The following COL9A3 variants were observed in gnomAD, a reference collection of about 807,000 sequenced individuals.
The protein encoded by COL9A3 is collagen type IX alpha 3 chain.
COL9A3 carries 82 observed loss-of-function variants against 110.2 expected under a neutral mutation model. That is an observed-to-expected ratio of 0.74 (90% confidence interval 0.62 to 0.89). The LOEUF (loss-of-function observed/expected upper bound fraction) is 0.89, where lower values mean the gene tolerates loss of function less well. COL9A3 is among the 40% of genes least tolerant of loss of function. The pLI is 0.00. For missense variants in COL9A3, 1,066 were observed against 981.3 expected (o/e 1.09, Z -1.15); for synonymous variants, 494 against 403.8 (o/e 1.22, Z -2.68).
intron 10 of COL9A3, among the ~76,000 whole-genome samples, chr20:62,824,131 C>T (rs1331986885): frequency 5.0e-5 from 7 of 140,018 alleles, no homozygotes; most frequent in African/African-American, 1.7e-4. Flanking sequence ...CCTGGGGTCC[C>T]GTCTCTGTGT....
In COL9A3 at chr20:62,827,846, C is replaced by T. The variant is rs1346537687; in HGVS notation, c.847-77C>T. The T allele has an allele frequency of 8.0e-6, 12 of 1,506,870 alleles. No individual in the cohort carries two copies. The East Asian group carries it at 1.6e-4, about 20-fold the overall frequency. 93.3% of individuals were successfully genotyped at this position (1,506,870 alleles called of 1,614,324 possible). On this transcript the variant is annotated intron_variant, in intron 16 of 31. Coordinates refer to ENST00000649368, the MANE Select transcript of COL9A3 (RefSeq NM_001853.4). ...GCCCACCATAGCTCCTTGGTGTCCC[C>T]GAGCAGCTGGCCGGAGAATGCGTGA... is the stretch of plus-strand genomic sequence containing the variant.
In COL9A3 at chr20:62,836,500, G is replaced by T; in HGVS notation, c.1571G>T (p.Arg524Leu). The T allele has an allele frequency of 3.7e-6, 6 of 1,613,154 alleles. No homozygotes were observed. The highest frequency in any genetic ancestry group is 5.1e-6 in the Non-Finnish European group (6 of 1,179,618). The change falls in exon 29 of 32, where the codon CGC (arginine) becomes CTC (leucine). Residue 524 changes from arginine to leucine, a missense_variant. Arg to Leu is a moderately radical substitution (Grantham distance 102). Coordinates refer to ENST00000649368, the MANE Select transcript of COL9A3 (RefSeq NM_001853.4). The stretch of plus-strand genomic sequence containing the variant: ...CAGGGGAAGGAGGCCAGCGAGCAGC[G>T]CATCAGGGAGCTGTGTGGGGGGATG... ...GVPGKEASEQ[R>L]IRELCGGMIS...
intron 10 of COL9A3, among the ~76,000 whole-genome samples, 188 bp downstream of exon 10, chr20:62,822,820 C>T (rs1423994317): frequency 6.7e-6 from 1 of 148,474 alleles, no homozygotes; most frequent in Admixed American, 6.7e-5. Context: ...CCTCCCCCTC[C>T]CCCTTCCCAC....
intron 10 of COL9A3, among the ~76,000 whole-genome samples, chr20:62,822,911 A>C (rs753183170): frequency 2.6e-5 from 4 of 152,110 alleles, no homozygotes; most frequent in Non-Finnish European, 5.9e-5. Flanking sequence ...AATGAATCAC[A>C]ATCATGTCAC....
chr20:62,819,280 T>C lies in COL9A3; in HGVS notation c.242T>C (p.Leu81Pro). Residue 81 changes from leucine (L) to proline (P), a missense_variant, in exon 4 of 32, where the codon CTG (leucine) becomes CCG (proline). Transcript: ENST00000649368. Reference sequence around the variant, plus strand: ...CCAGGAGAGGCTGGGCTGCCGGGACTGCCGGGTGTGGATGTGAGTGCGCCT... The same window carrying C: ...CCAGGAGAGGCTGGGCTGCCGGGACCGCCGGGTGTGGATGTGAGTGCGCCT... ...GKPGEAGLPGLPGVDGLTGRD... is the reference protein window; with the variant it reads ...GKPGEAGLPGPPGVDGLTGRD... The C allele has an allele frequency of 6.2e-7, 1 of 1,611,222 alleles. No individual in the cohort carries two copies. Among genetic ancestry groups the C allele is most frequent in the Non-Finnish European group, 8.5e-7 (1 of 1,179,610 alleles).
intron 31 of COL9A3, among the ~76,000 whole-genome samples, 179 bp from the exon 32 acceptor site, chr20:62,840,359 CCCGA>C (rs1036199199): frequency 1.3e-5 from 2 of 151,578 alleles, no homozygotes; most frequent in East Asian, 3.9e-4. Flanking sequence ...CCCGGACACT[CCCGA>C]CCGCCAGCCC....
Position 62,838,683 on chromosome 20 carries a change from G to A in COL9A3, c.1787-1G>A. On this transcript the variant is annotated splice_acceptor_variant, in intron 30 of 31. Transcript: ENST00000649368. LOFTEE classifies it high-confidence loss of function. ...ATGTCTGTGTCCACACCTCGTGACA[G>A]GAAACCAGGGTGACAGAGGAGACAA... is the stretch of plus-strand genomic sequence containing the variant. 1 of 1,552,384 alleles carries A rather than the reference G, an allele frequency of 6.4e-7. No individual in the cohort carries two copies. The highest frequency in any genetic ancestry group is 8.7e-7 in the Non-Finnish European group (1 of 1,147,302).
At chr20:62,819,164 A>C in intron 3 of COL9A3, 58 bp from the exon 4 acceptor site, 5 of 1,527,002 alleles carry the variant, frequency 3.3e-6, no homozygotes, top group Non-Finnish European at 4.5e-6. Context: ...TCATTGCTGA[A>C]GGCCTGGGCT....
At chr20:62,837,411 G>A (rs542485328) in intron 30 of COL9A3, 146 bp downstream of exon 30, 69 of 775,502 alleles carry the variant, frequency 8.9e-5, no homozygotes, top group East Asian at 4.0e-4. Flanking sequence ...GGGGCCTAGC[G>A]CAGTTAACTC....
chr20:62,828,722 G>A (rs774400893), intron 17 of COL9A3, 42 bp from the exon 18 acceptor site: 6 of 1,608,856 alleles, frequency 3.7e-6, no homozygotes, highest in Admixed American at 1.7e-5. Context: ...GGGAGGGAGG[G>A]GGGCCACTGC....
intron 16 of COL9A3, 95 bp from the exon 17 acceptor site, chr20:62,827,828 A>G: frequency 7.3e-7 from 1 of 1,370,648 alleles, no homozygotes; most frequent in Admixed American, 1.7e-5. Context: ...GCTGCCCACC[A>G]TAGCTCCTTG....
rs749537198 is a variant in COL9A3, at chr20:62,824,926, C to A, written c.577-42C>A. On this transcript the variant is annotated intron_variant, in intron 11 of 31. Transcript: ENST00000649368. Reference sequence around the variant, plus strand: ...TTCAGTGTTGCCAGGGAGGGGGTGTCGGGGGGTCTGGGTGGGGCAGTGACC... The same window carrying A: ...TTCAGTGTTGCCAGGGAGGGGGTGTAGGGGGGTCTGGGTGGGGCAGTGACC... 23 of 1,545,440 alleles carry A rather than the reference C, an allele frequency of 1.5e-5. 1 individual carries two copies. In the Admixed American group the frequency reaches 4.0e-4, roughly 27 times the overall value.
chr20:62,831,651 G>T (rs2063598432), intron 24 of COL9A3: 3 of 185,218 alleles, frequency 1.6e-5, no homozygotes, highest in East Asian at 3.0e-4. Flanking sequence ...TGTGGGTGGG[G>T]CCTGGTGGCT....
rs757192189 is a variant in COL9A3, at chr20:62,838,714, C to T, written c.1817C>T (p.Ala606Val). Residue 606 changes from alanine (A) to valine (V), a missense_variant, in exon 31 of 32, where the codon GCG (alanine) becomes GTG (valine). Transcript: ENST00000649368. ...CAGGGTGACAGAGGAGACAAAGGCG[C>T]GGCAGGAGCAGGGCTGGACGGGCCT... ...GNQGDRGDKG[A>V]AGAGLDGPEG... The T allele has an allele frequency of 5.7e-5, 88 of 1,552,708 alleles. No individual in the cohort carries two copies. The highest frequency in any genetic ancestry group is 2.5e-4 in the Admixed American group (13 of 51,112).
chr20:62,824,900 C>A, intron 11 of COL9A3, 68 bp from the exon 12 acceptor site: 2 of 1,506,124 alleles, frequency 1.3e-6, no homozygotes, highest in Non-Finnish European at 1.8e-6. Context: ...GCAGGCCTCA[C>A]TTCAGTGTTG....
intron 27 of COL9A3, 49 bp from the exon 28 acceptor site, chr20:62,836,138 C>T (rs1199262144): frequency 6.2e-7 from 1 of 1,604,360 alleles, no homozygotes; most frequent in South Asian, 1.1e-5. Context: ...CGGGGTGGCT[C>T]TGGGCTCCTG....
At chr20:62,826,968 G>A (rs1363829684) in intron 15 of COL9A3, 148 bp downstream of exon 15, 11 of 868,950 alleles carry the variant, frequency 1.3e-5, no homozygotes, top group African/African-American at 1.7e-5. Flanking sequence ...TGTGGCATGG[G>A]TACGGGGGTG....
chr20:62,836,529 A>G lies in COL9A3; in HGVS notation c.1600A>G (p.Ser534Gly), dbSNP rs1159482715. The G allele has an allele frequency of 6.2e-7, 1 of 1,610,834 alleles. No individual in the cohort carries two copies. Among genetic ancestry groups the G allele is most frequent in the South Asian group, 1.1e-5 (1 of 90,534 alleles). ...CAGGGAGCTGTGTGGGGGGATGATC[A>G]GCGGTAAGTCAGCCACGTGCACCGG... is the stretch of plus-strand genomic sequence containing the variant. ...RIRELCGGMI[S>G]EQIAQLAAHL... is the part of the protein sequence containing the mutation. Residue 534 changes from serine (S) to glycine (G), a missense_variant, in exon 29 of 32, where the codon AGC becomes GGC. Ser to Gly is a moderately conservative substitution (Grantham distance 56, BLOSUM62 0). Coordinates refer to ENST00000649368, the MANE Select transcript of COL9A3 (RefSeq NM_001853.4).
chr20:62,829,603 A>G (rs1962282821), intron 20 of COL9A3, 25 bp from the exon 21 acceptor site: 7 of 1,610,054 alleles, frequency 4.3e-6, no homozygotes, highest in Non-Finnish European at 5.1e-6. Context: ...GTAGGCAGGC[A>G]CTCACAGCTC....
Sources: allele counts gnomAD v4.1 joint callset (sites outside exome capture counted in the v4.1 genomes callset), GRCh38; gene constraint gnomAD v4.1.1; transcripts MANE v1.5; gene names NCBI Gene and HGNC (gene_info 2026-07-23, HGNC 2026-07-21).